The following DLC1 variants were observed in gnomAD, a reference collection of about 807,000 sequenced individuals.
The protein encoded by DLC1 is DLC1 Rho GTPase activating protein.
A neutral mutation model predicts 140.3 loss-of-function variants in DLC1; 54 were observed. The observed-to-expected ratio is 0.38, with a 90% CI of 0.31 to 0.48. The LOEUF (loss-of-function observed/expected upper bound fraction) is 0.48, where lower values mean the gene tolerates loss of function less well. Among genes scored for constraint, DLC1 ranks in the 20% least tolerant of loss-of-function variants. The pLI is 0.96. For synonymous variants in DLC1, 986 were observed against 728.1 expected (o/e 1.35, Z -5.70); for missense variants, 2,536 against 1,907.0 (o/e 1.33, Z -6.14).
chr8:13,384,992 C>T (rs1459030473), intron 4 of DLC1, among the ~76,000 whole-genome samples: 1 of 152,084 alleles, frequency 6.6e-6, no homozygotes, highest in Admixed American at 6.6e-5. Context: ...AAATCTGTGT[C>T]ATGGATTACT....
At chr8:13,586,171 G>A (rs1383064295) in intron 1 of DLC1, among the ~76,000 whole-genome samples, 1 of 152,138 alleles carries the variant, frequency 6.6e-6, no homozygotes, top group African/African-American at 2.4e-5. Flanking sequence ...AGCTTCTCAA[G>A]TGATTCTAAT....
At chr8:13,145,864 C>A (rs1183690148) in intron 5 of DLC1, among the ~76,000 whole-genome samples, 1 of 152,114 alleles carries the variant, frequency 6.6e-6, no homozygotes, top group Non-Finnish European at 1.5e-5. Context: ...GCCAAGGAAA[C>A]TGGTTAGGGA....
At chr8:13,489,457 GCTA>G (rs1330678055) in intron 2 of DLC1, among the ~76,000 whole-genome samples, 1 of 100,874 alleles carries the variant, frequency 9.9e-6, no homozygotes, top group Non-Finnish European at 2.2e-5. Context: ...ACAAAATGTT[GCTA>G]CTATTAAGAA....
At chr8:13,412,362 T>C (rs1837818565) in intron 2 of DLC1, among the ~76,000 whole-genome samples, 3 of 152,200 alleles carry the variant, frequency 2.0e-5, no homozygotes, top group South Asian at 2.1e-4. Context: ...AAATTTAAAG[T>C]AGAACACATT....
At chr8:13,168,807 G>T (rs1825272159) in intron 5 of DLC1, among the ~76,000 whole-genome samples, 2 of 152,314 alleles carry the variant, frequency 1.3e-5, no homozygotes, top group Admixed American at 1.3e-4. Flanking sequence ...CCTTCTCGTT[G>T]CTATATCTAT....
chr8:13,087,596 G>T (rs190836101), intron 16 of DLC1, among the ~76,000 whole-genome samples: 1 of 152,190 alleles, frequency 6.6e-6, no homozygotes, highest in Non-Finnish European at 1.5e-5. Flanking sequence ...CAGAGCCGTT[G>T]TTACAGAGGG....
intron 5 of DLC1, among the ~76,000 whole-genome samples, chr8:13,195,087 C>A (rs1382551284): frequency 6.6e-6 from 1 of 152,198 alleles, no homozygotes; most frequent in Non-Finnish European, 1.5e-5. Context: ...GAGAAAATTA[C>A]TGAGCATGGT....
intron 1 of DLC1, among the ~76,000 whole-genome samples, chr8:13,514,344 A>G (rs1381719754): frequency 6.6e-6 from 1 of 152,188 alleles, no homozygotes; most frequent in Non-Finnish European, 1.5e-5. Context: ...GTTAAACGTA[A>G]AAAGGGATAA....
chr8:13,142,337 A>T (rs543926932), intron 5 of DLC1, among the ~76,000 whole-genome samples: 1 of 152,204 alleles, frequency 6.6e-6, no homozygotes, highest in Non-Finnish European at 1.5e-5. Context: ...ATTAGATCTG[A>T]TCTCTATTAT....
intron 2 of DLC1, among the ~76,000 whole-genome samples, chr8:13,477,491 G>A (rs748460300): frequency 2.6e-5 from 4 of 152,138 alleles, no homozygotes; most frequent in Admixed American, 6.5e-5. Context: ...AGGACTAATC[G>A]CAGAGGATTT....
At chr8:13,507,583 A>G (rs1398119807) in intron 1 of DLC1, among the ~76,000 whole-genome samples, 1 of 152,210 alleles carries the variant, frequency 6.6e-6, no homozygotes, top group East Asian at 1.9e-4. Context: ...TATGTGTCTT[A>G]ATCCCACACA....
rs562379260 is a variant in DLC1 at position 13,585,773 on chromosome 8, C to T, written c.-126+18764G>A. ...TCTTTCACATTCATATTTTATTCTA[C>T]CCATGCTCATATCCCTATCCAAATT... On this transcript the variant is annotated intron_variant, in intron 1 of 1. Coordinates refer to the DLC1 transcript ENST00000631382. Among the ~76,000 whole-genome samples the T allele has an allele frequency of 5.9e-5, 9 of 152,224 alleles. No homozygotes were observed. The South Asian group carries it at 1.5e-3, about 25-fold the overall frequency.
chr8:13,356,962 A>C (rs1036268342), intron 4 of DLC1, among the ~76,000 whole-genome samples: 4 of 152,120 alleles, frequency 2.6e-5, no homozygotes, highest in Non-Finnish European at 4.4e-5. Context: ...GTACGAGTTC[A>C]GAGAAGCCTT....
At chr8:13,454,021 A>G (rs1799275612) in intron 2 of DLC1, among the ~76,000 whole-genome samples, 1 of 152,162 alleles carries the variant, frequency 6.6e-6, no homozygotes, top group South Asian at 2.1e-4. Context: ...TCATGGTTAA[A>G]TGGCAAAATT....
intron 2 of DLC1, among the ~76,000 whole-genome samples, chr8:13,428,036 G>A (rs949969166): frequency 5.3e-5 from 8 of 152,170 alleles, no homozygotes; most frequent in African/African-American, 1.9e-4. Context: ...GGGGAGCAGG[G>A]GAAGGGCTAT....
At chr8:13,122,460 G>C (rs2128956185) in intron 5 of DLC1, among the ~76,000 whole-genome samples, 1 of 151,498 alleles carries the variant, frequency 6.6e-6, no homozygotes, top group Middle Eastern at 3.4e-3. Context: ...TTGCACAAAG[G>C]AATTACAGAG....
chr8:13,412,915 G>A (rs1435691129), intron 2 of DLC1, among the ~76,000 whole-genome samples: 2 of 124,974 alleles, frequency 1.6e-5, no homozygotes, highest in African/African-American at 3.0e-5. Context: ...CTGGGCGACA[G>A]AGCGAGACTC....
At chr8:13,474,873 GC>G in intron 2 of DLC1, among the ~76,000 whole-genome samples, 1 of 152,210 alleles carries the variant, frequency 6.6e-6, no homozygotes, top group Non-Finnish European at 1.5e-5. Flanking sequence ...TAACTAACTT[GC>G]TTTTGATTTT....
At chr8:13,282,404 T>C (rs1245704087) in intron 5 of DLC1, among the ~76,000 whole-genome samples, 1 of 152,198 alleles carries the variant, frequency 6.6e-6, no homozygotes, top group Non-Finnish European at 1.5e-5. Context: ...TTCTATGTCA[T>C]GATTTCAGGT....
Sources: gnomAD v4.1 joint callset for allele counts (sites outside exome capture counted in the v4.1 genomes callset) on GRCh38, gnomAD v4.1.1 for gene constraint, MANE v1.5 for transcripts, NCBI Gene and HGNC (gene_info 2026-07-23, HGNC 2026-07-21) for gene names.